HELZ2: variants seen among roughly 807,000 people sequenced by gnomAD.
HELZ2 encodes 3'-5' exoribonuclease HELZ2.
HELZ2 carries 143 observed loss-of-function variants against 208.8 expected under a neutral mutation model. That is an observed-to-expected ratio of 0.68 (90% CI 0.60 to 0.79). HELZ2 has a LOEUF of 0.79. Ranked by LOEUF, HELZ2 falls within the 30% of genes least tolerant of loss-of-function variation. The probability of loss-of-function intolerance (pLI) is 0.00; values close to 1 mark genes in which losing one functional copy is unlikely to be tolerated. For synonymous variants in HELZ2, 1,705 were observed against 1,693.7 expected, an observed-to-expected ratio of 1.01 and a Z score of -0.16; for missense variants, 3,690 against 3,794.5, an observed-to-expected ratio of 0.97 and a Z score of 0.72.
chr20:63,562,199 G>T, exon 10 of HELZ2: 1 of 1,611,940 alleles, frequency 6.2e-7, no homozygotes. Context: ...ACCTGCTGGG[G>T]ATCACTGAGA....
In HELZ2 at chr20:63,565,615, G is replaced by A. The variant is rs149577077; in HGVS notation, c.3207C>T (p.Asn1069=). ...GCTCCCGTAGGATGGCGTCGTCAGC[G>A]TTGAGCTCCCCGTCCCACGGCCAGA... is the stretch of plus-strand genomic sequence containing the variant. Residue 1069 remains asparagine, a synonymous_variant, in exon 8 of 19, where the codon AAC becomes AAT. Transcript: ENST00000467148. 7.9e-5 allele frequency: 127 copies of A among 1,610,566 alleles called. 1 individual carries two copies. The Admixed American group carries it at 8.8e-4, about 11-fold the overall frequency.
chr20:63,568,550 C>A lies in HELZ2; in HGVS notation c.1538G>T (p.Arg513Leu). ...CAGCTCCTGCTTGCGGTTGCCACGC[C>A]GCAAGGGTGGGACAGACCAAGGTCT... Residue 513 changes from arginine (R) to leucine (L), a missense_variant, in exon 5 of 19, where the codon CGG (arginine) becomes CTG (leucine). By Grantham distance (102) the Arg-to-Leu change is moderately radical. Transcript: ENST00000467148. 1.9e-6 allele frequency: 3 copies of A among 1,584,596 alleles called. No individual in the cohort carries two copies. The highest frequency in any genetic ancestry group is 2.6e-6 in the Non-Finnish European group (3 of 1,169,552).
At chr20:63,563,151 G>A (rs759545989) in exon 8 of HELZ2, 2 of 1,593,416 alleles carry the variant, frequency 1.3e-6, no homozygotes, top group Non-Finnish European at 1.7e-6. Flanking sequence ...CCGTGCTGCA[G>A]GCTGGTGCCG....
At chr20:63,566,931 C>T (rs1600979548) in exon 6 of HELZ2, 1 of 1,610,438 alleles carries the variant, frequency 6.2e-7, no homozygotes, top group Non-Finnish European at 8.5e-7. Flanking sequence ...CCTGCACCTT[C>T]TCGACGACCT....
At chr20:63,565,843 C>T (rs144553407) in exon 8 of HELZ2, 24 of 1,598,764 alleles carry the variant, frequency 1.5e-5, no homozygotes, top group Middle Eastern at 1.7e-4. Flanking sequence ...TCACCATGGC[C>T]GTCACCACAG....
At chr20:63,559,195 G>T (rs1196054129), downstream of HELZ2, 33 of 1,244,574 alleles carry the variant, frequency 2.7e-5, no homozygotes, top group East Asian at 3.5e-5. Context: ...GGGTGGGGGG[G>T]CCCTGGACTT....
chr20:63,564,825 G>A (rs538816738), exon 8 of HELZ2: 55 of 1,610,220 alleles, frequency 3.4e-5, no homozygotes, highest in South Asian at 1.8e-4. Flanking sequence ...TCCTCTCGGC[G>A]GCCGGCAACC....
chr20:63,567,581 C>A, exon 6 of HELZ2: 3 of 1,592,276 alleles, frequency 1.9e-6, no homozygotes, highest in Non-Finnish European at 8.5e-7. Flanking sequence ...GGGTGGCCGC[C>A]GCTGACGTGG....
exon 5 of HELZ2, chr20:63,568,845 C>T (rs779487005): frequency 1.2e-6 from 2 of 1,612,322 alleles, no homozygotes; most frequent in Non-Finnish European, 1.7e-6. Context: ...GCTGTGCTGA[C>T]CGCCCGGCCC....
At chr20:63,565,151 G>A (rs1442016038) in exon 8 of HELZ2, 4 of 1,593,762 alleles carry the variant, frequency 2.5e-6, no homozygotes, top group Non-Finnish European at 2.6e-6. Context: ...GAAGATCTTG[G>A]TCACGGAGCC....
At position 63,572,239 on chromosome 20, in the gene HELZ2, G is replaced by T. The variant is rs776191396; in HGVS notation, c.147C>A (p.Cys49Ter). The T allele has an allele frequency of 4.4e-6, 7 of 1,596,856 alleles. No individual in the cohort carries two copies. The highest frequency in any genetic ancestry group is 6.0e-6 in the Non-Finnish European group (7 of 1,172,880). The change falls in exon 1 of 19, where the codon TGC (cysteine) becomes TGA (stop). Residue 49 changes from cysteine (C) to a stop codon, truncating the protein, a stop_gained. Transcript: ENST00000467148. LOFTEE classifies it high-confidence loss of function. Reference sequence around the variant, plus strand: ...GGTTCTCGAAGGCCTCCTGAGAGTGGCAGGTGACCAAGCAGGCCGGGCAGT... The same window carrying T: ...GGTTCTCGAAGGCCTCCTGAGAGTGTCAGGTGACCAAGCAGGCCGGGCAGT...
chr20:63,572,590 G>A (rs1189273636), upstream of HELZ2: 14 of 568,572 alleles, frequency 2.5e-5, no homozygotes, highest in Non-Finnish European at 4.0e-5. Flanking sequence ...GCCCCTGGGG[G>A]TCCACGCGAC....
chr20:63,564,107 T>A (rs1415860095), exon 8 of HELZ2: 5 of 1,610,072 alleles, frequency 3.1e-6, no homozygotes, highest in African/African-American at 1.3e-5. Flanking sequence ...GGGCACCCGG[T>A]CCCCATGCTT....
chr20:63,570,843 C>T lies in HELZ2; in HGVS notation c.304G>A (p.Ala102Thr), dbSNP rs201226366. Residue 102 changes from alanine to threonine, a missense_variant, in exon 2 of 19, where the codon GCC (alanine) becomes ACC (threonine). Transcript: ENST00000467148. ...TGTGCTGAGTGTGCCTTGGTGCAGG[C>T]GTCCCCATACTCACAGAGGTCAGGC... 39 of 1,599,620 alleles carry T rather than the reference C, an allele frequency of 2.4e-5. No homozygotes were observed. Among genetic ancestry groups the T allele is most frequent in the East Asian group, 9.0e-5 (4 of 44,558 alleles).
intron 18 of HELZ2, among the ~76,000 whole-genome samples, chr20:63,559,676 C>CGGAGTCAGGGTCAGGTGGGA (rs1555888282): frequency 1.4e-5 from 1 of 72,752 alleles, no homozygotes; most frequent in African/African-American, 4.8e-5. Context: ...AGGGTCAGGT[C>CGGAGTCAGGGTCAGGTGGGA]GGAGTCAGGG....
upstream of HELZ2, chr20:63,572,556 G>C (rs924517459): frequency 7.4e-6 from 5 of 674,558 alleles, no homozygotes; most frequent in Non-Finnish European, 1.2e-5. Flanking sequence ...AGGAGGGAGG[G>C]GCAGGCTCCG....
intron 14 of HELZ2, 51 bp from the exon 16 acceptor site, chr20:63,560,980 C>A: frequency 6.2e-7 from 1 of 1,601,724 alleles, no homozygotes; most frequent in Admixed American, 1.7e-5. Context: ...CAGAGGGACC[C>A]CAGCCCCACA....
rs755605395 is a variant in HELZ2, at chr20:63,569,210, ATAGT to A, written c.1022_1025del (p.Asn341IlefsTer23). On this transcript the variant is annotated frameshift_variant, in exon 4 of 19. Coordinates refer to ENST00000467148, the Ensembl canonical transcript of HELZ2. LOFTEE classifies it high-confidence loss of function. ...AGAGAAACTGGTGCATCCTCTGCCG[ATAGT>A]TGGTTGGTGAGATGGGGCCCGAGGC... is the stretch of plus-strand genomic sequence containing the variant. The A allele has an allele frequency of 2.0e-5, 31 of 1,555,904 alleles. No individual in the cohort carries two copies. The highest frequency in any genetic ancestry group is 3.5e-4 in the Middle Eastern group (2 of 5,784).
exon 8 of HELZ2, chr20:63,563,169 C>T (rs764623805): frequency 6.3e-7 from 1 of 1,592,744 alleles, no homozygotes; most frequent in Non-Finnish European, 8.5e-7. Context: ...CCGAGCTGCA[C>T]CTGCAGGGTG....
Sources: allele counts gnomAD v4.1 joint callset (sites outside exome capture counted in the v4.1 genomes callset), GRCh38; gene constraint gnomAD v4.1.1; transcripts MANE v1.5; gene names NCBI Gene and HGNC (gene_info 2026-07-23, HGNC 2026-07-21).